SLC24A3: variants seen among roughly 807,000 people sequenced by gnomAD.
SLC24A3 encodes sodium/potassium/calcium exchanger 3.
A neutral mutation model predicts 75.8 loss-of-function variants in SLC24A3; 28 were observed. The ratio of observed to expected loss-of-function variants is 0.37; its 90% CI spans 0.27 to 0.51. The LOEUF (loss-of-function observed/expected upper bound fraction) is 0.51, where lower values mean the gene tolerates loss of function less well. Ranked by LOEUF, SLC24A3 falls within the 20% of genes least tolerant of loss-of-function variation. The pLI, the probability that SLC24A3 is intolerant of heterozygous loss-of-function variation, is 0.94. For synonymous variants in SLC24A3, 372 were observed against 334.1 expected (o/e 1.11, Z -1.24); for missense variants, 663 against 847.8 (o/e 0.78, Z 2.71).
At chr20:19,511,046 G>A (rs561410087) in intron 2 of SLC24A3, among the ~76,000 whole-genome samples, 5 of 152,238 alleles carry the variant, frequency 3.3e-5, no homozygotes, top group East Asian at 3.9e-4. Context: ...GTCAGTGGAC[G>A]GAGCCCCCCA....
chr20:19,431,921 G>A (rs1332911679), intron 2 of SLC24A3, among the ~76,000 whole-genome samples: 1 of 151,680 alleles, frequency 6.6e-6, no homozygotes, highest in Non-Finnish European at 1.5e-5. Flanking sequence ...GGATGGTGAG[G>A]GGAGCTTTAA....
chr20:19,337,555 T>A (rs1319415686), intron 2 of SLC24A3, among the ~76,000 whole-genome samples: 1 of 152,228 alleles, frequency 6.6e-6, no homozygotes, highest in Non-Finnish European at 1.5e-5. Context: ...GATGGACTTG[T>A]TATGAGCTCA....
At position 19,212,937 on chromosome 20, in the gene SLC24A3, C is replaced by A; in HGVS notation, c.95C>A (p.Ser32Ter). The stretch of plus-strand genomic sequence containing the variant: ...CTGAGCCAGCTCTGCTTCCTGGCCT[C>A]GGTGGCGCTGCTGCTCTGGTCGCTG... Reference protein sequence around the residue: ...LLLSQLCFLASVALLLWSLSS... With the variant: ...LLLSQLCFLA The change falls in exon 1 of 17, where the codon TCG becomes TAG. Residue 32 changes from serine (S) to a stop codon, truncating the protein, a stop_gained. Transcript: ENST00000328041. LOFTEE classifies it high-confidence loss of function. The A allele has an allele frequency of 7.4e-7, 1 of 1,349,008 alleles. No homozygotes were observed. Among genetic ancestry groups the A allele is most frequent in the Non-Finnish European group, 9.5e-7 (1 of 1,048,366 alleles). 83.6% of individuals were successfully genotyped at this position (1,349,008 alleles called of 1,614,324 possible).
At chr20:19,687,779 C>T (rs951932136) in intron 12 of SLC24A3, among the ~76,000 whole-genome samples, 8 of 152,172 alleles carry the variant, frequency 5.3e-5, no homozygotes, top group African/African-American at 1.7e-4. Context: ...CCGTATTTCT[C>T]TCCTGGATGA....
chr20:19,586,776 C>T (rs1170372510), intron 6 of SLC24A3, among the ~76,000 whole-genome samples: 2 of 152,172 alleles, frequency 1.3e-5, no homozygotes, highest in East Asian at 1.9e-4. Flanking sequence ...AGCTCCAGGG[C>T]CCACAGGTGG....
At chr20:19,634,420 A>G (rs1346751649) in intron 6 of SLC24A3, among the ~76,000 whole-genome samples, 1 of 152,176 alleles carries the variant, frequency 6.6e-6, no homozygotes, top group Non-Finnish European at 1.5e-5. Flanking sequence ...GCTTTAAAAT[A>G]TATAGATCCA....
chr20:19,719,861 C>T (rs1195404715), intron 16 of SLC24A3, among the ~76,000 whole-genome samples: 1 of 152,014 alleles, frequency 6.6e-6, no homozygotes, highest in Non-Finnish European at 1.5e-5. Flanking sequence ...CGGAGTGACT[C>T]CAGCGAGTGT....
chr20:19,683,578 C>A (rs2032638437), intron 10 of SLC24A3, among the ~76,000 whole-genome samples: 1 of 152,206 alleles, frequency 6.6e-6, no homozygotes, highest in Non-Finnish European at 1.5e-5. Context: ...CATTTCACCA[C>A]CATGTCCTCC....
At chr20:19,232,388 T>C (rs1982048416) in intron 1 of SLC24A3, among the ~76,000 whole-genome samples, 1 of 152,248 alleles carries the variant, frequency 6.6e-6, no homozygotes, top group Non-Finnish European at 1.5e-5. Flanking sequence ...TTTTGACTTT[T>C]AAATAGAATG....
At chr20:19,627,176 G>C (rs1300914473) in intron 6 of SLC24A3, among the ~76,000 whole-genome samples, 2 of 152,190 alleles carry the variant, frequency 1.3e-5, no homozygotes, top group African/African-American at 4.8e-5. Context: ...ATCCATTTGG[G>C]ACCCATTCTA....
At position 19,605,113 on chromosome 20, in the gene SLC24A3, T is replaced by A. The variant is rs193066923; in HGVS notation, c.612+19569T>A. On this transcript the variant is annotated intron_variant, in intron 6 of 16. Coordinates refer to ENST00000328041, the MANE Select transcript of SLC24A3 (RefSeq NM_020689.4). ...AGTTAAATTAGGAAAAAAAACACGT[T>A]GGCCTCATCTCAATCCTGGAATGGT... 6.6e-5 allele frequency among the ~76,000 whole-genome samples: 10 copies of A among 152,352 alleles called. No individual in the cohort carries two copies. The East Asian group carries it at 1.3e-3, about 21-fold the overall frequency.
At chr20:19,533,517 C>A (rs1345972302) in intron 3 of SLC24A3, among the ~76,000 whole-genome samples, 2 of 152,138 alleles carry the variant, frequency 1.3e-5, no homozygotes, top group Admixed American at 1.3e-4. Flanking sequence ...GAGGCAATAC[C>A]TATGTGGAGC....
chr20:19,234,387 T>C (rs1234835636), intron 1 of SLC24A3, among the ~76,000 whole-genome samples: 1 of 152,176 alleles, frequency 6.6e-6, no homozygotes, highest in Non-Finnish European at 1.5e-5. Context: ...AGCCAGGAGG[T>C]GCTGTGATTT....
chr20:19,458,575 T>G (rs1462014500), intron 2 of SLC24A3, among the ~76,000 whole-genome samples: 1 of 152,240 alleles, frequency 6.6e-6, no homozygotes, highest in Non-Finnish European at 1.5e-5. Context: ...TTCCATTTTC[T>G]GTGTGTATGA....
At chr20:19,677,602 T>C (rs1335097872) in intron 9 of SLC24A3, among the ~76,000 whole-genome samples, 2 of 151,834 alleles carry the variant, frequency 1.3e-5, no homozygotes, top group Non-Finnish European at 2.9e-5. Context: ...CCGGACATCA[T>C]ACTAGTTCAT....
At chr20:19,312,528 A>T (rs1984484768) in intron 2 of SLC24A3, among the ~76,000 whole-genome samples, 1 of 152,218 alleles carries the variant, frequency 6.6e-6, no homozygotes, top group African/African-American at 2.4e-5. Context: ...AGGGTAACTG[A>T]CCATTGTGAA....
At chr20:19,601,177 C>T (rs1168906826) in intron 6 of SLC24A3, among the ~76,000 whole-genome samples, 1 of 152,224 alleles carries the variant, frequency 6.6e-6, no homozygotes, top group Non-Finnish European at 1.5e-5. Context: ...GACCCATTCG[C>T]CTTCTCCTCT....
At chr20:19,551,067 C>A (rs879652009) in intron 3 of SLC24A3, among the ~76,000 whole-genome samples, 11 of 152,222 alleles carry the variant, frequency 7.2e-5, no homozygotes, top group Admixed American at 7.2e-4. Flanking sequence ...ATGCCTGTTT[C>A]TCTCAAGGGA....
intron 2 of SLC24A3, among the ~76,000 whole-genome samples, chr20:19,295,274 G>A (rs1984033018): frequency 6.6e-6 from 1 of 152,170 alleles, no homozygotes; most frequent in Admixed American, 6.5e-5. Context: ...AGACCATGGG[G>A]TTTTCTAGAT....
Sources: allele counts gnomAD v4.1 joint callset (sites outside exome capture counted in the v4.1 genomes callset), GRCh38; gene constraint gnomAD v4.1.1; transcripts MANE v1.5; gene names NCBI Gene and HGNC (gene_info 2026-07-23, HGNC 2026-07-21).